NIPAL2: variants seen among roughly 807,000 people sequenced by gnomAD.
NIPAL2 encodes the protein NIPA-like protein 2.
In NIPAL2, 43 loss-of-function variants were observed where a neutral mutation model predicts 48.9. The observed-to-expected ratio is 0.88, with a 90% CI of 0.69 to 1.13. The LOEUF (loss-of-function observed/expected upper bound fraction) is 1.13. Ranked by LOEUF, NIPAL2 falls within the 50% of genes most tolerant of loss-of-function variation. The pLI, the probability that NIPAL2 is intolerant of heterozygous loss-of-function variation, is 0.00. For missense variants in NIPAL2, 446 were observed against 461.4 expected, an observed-to-expected ratio of 0.97 and a Z score of 0.31; for synonymous variants, 167 against 174.6, an observed-to-expected ratio of 0.96 and a Z score of 0.34.
intron 5 of NIPAL2, among the ~76,000 whole-genome samples, chr8:98,213,334 A>G (rs1811415290): frequency 6.6e-6 from 1 of 152,172 alleles, no homozygotes; most frequent in Non-Finnish European, 1.5e-5. Flanking sequence ...TGGACTTTAT[A>G]CAAGTGGAAT....
chr8:98,234,934 TA>T, intron 4 of NIPAL2, among the ~76,000 whole-genome samples: 1 of 152,190 alleles, frequency 6.6e-6, no homozygotes, highest in Non-Finnish European at 1.5e-5. Context: ...TATAGAAAAA[TA>T]ATATGTTGGA....
intron 1 of NIPAL2, among the ~76,000 whole-genome samples, chr8:98,272,519 A>T (rs988926753): frequency 1.8e-4 from 27 of 152,302 alleles, no homozygotes; most frequent in African/African-American, 6.5e-4. Context: ...TTAAAATATT[A>T]TTACTGGTTA....
At chr8:98,266,862 C>T (rs1814792364) in intron 1 of NIPAL2, among the ~76,000 whole-genome samples, 2 of 151,936 alleles carry the variant, frequency 1.3e-5, no homozygotes. Context: ...TATGATGCAA[C>T]ATGCTAGTAA....
intron 2 of NIPAL2, 76 bp from the exon 3 acceptor site, chr8:98,252,710 C>T: frequency 1.1e-5 from 14 of 1,229,072 alleles, no homozygotes; most frequent in South Asian, 3.1e-5. Context: ...CTTTTGTATT[C>T]CTTTAATTCT....
chr8:98,200,509 C>T (rs1041328625), intron 8 of NIPAL2, among the ~76,000 whole-genome samples: 1 of 152,134 alleles, frequency 6.6e-6, no homozygotes. Context: ...ATATATACCA[C>T]ATTTTGTTTA....
Position 98,252,476 on chromosome 8 carries a change from A to G in NIPAL2, c.363T>C (p.Cys121=). The part of the protein sequence containing the change: ...APITLIAPLG[C]VSVTGSAIIS... ...AGAATGGCTTACCTGTAACAGACAC[A>G]CAGCCTAACGGAGCGATCAGAGTAA... Residue 121 remains cysteine, a synonymous_variant, in exon 3 of 11, where the codon TGT becomes TGC. Transcript: ENST00000430223. 1 of 1,608,142 alleles carries G rather than the reference A, an allele frequency of 6.2e-7. No homozygotes were observed. Among genetic ancestry groups the G allele is most frequent in the Non-Finnish European group, 8.5e-7 (1 of 1,177,404 alleles).
intron 4 of NIPAL2, 64 bp downstream of exon 4, chr8:98,236,091 G>T: frequency 1.7e-6 from 2 of 1,146,798 alleles, no homozygotes; most frequent in South Asian, 2.7e-5. Flanking sequence ...TATTTTTTAT[G>T]GATTGTATTA....
At chr8:98,286,458 C>A (rs978154155) in intron 1 of NIPAL2, among the ~76,000 whole-genome samples, 2 of 152,086 alleles carry the variant, frequency 1.3e-5, no homozygotes, top group African/African-American at 4.8e-5. Flanking sequence ...TATATGTTAG[C>A]CCATATTTAC....
chr8:98,220,228 T>C (rs1319046440), intron 5 of NIPAL2, among the ~76,000 whole-genome samples: 1 of 152,190 alleles, frequency 6.6e-6, no homozygotes, highest in East Asian at 1.9e-4. Context: ...GCTTCGGTCC[T>C]GTACTTAGAG....
rs1315308134 is a variant in NIPAL2 at position 98,192,788 on chromosome 8, C to T, written c.*190G>A. 1.8e-5 allele frequency: 11 copies of T among 598,002 alleles called. No homozygotes were observed. Among genetic ancestry groups the T allele is most frequent in the Non-Finnish European group, 3.0e-5 (10 of 336,450 alleles). The allele number at this position is 598,002 out of a possible 1,614,324, so 37.0% of individuals were successfully genotyped here. On this transcript the variant is annotated 3_prime_UTR_variant, in exon 11 of 11. Coordinates refer to ENST00000430223, the MANE Select transcript of NIPAL2 (RefSeq NM_001321635.2). ...TGTGGGGAACACTCCAAATCACATT[C>T]CATGGAAATATTAGACTGTCAGAGC... is the stretch of plus-strand genomic sequence containing the variant.
intron 1 of NIPAL2, among the ~76,000 whole-genome samples, chr8:98,273,890 T>C (rs1014981715): frequency 4.6e-5 from 7 of 152,042 alleles, no homozygotes; most frequent in Non-Finnish European, 1.0e-4. Context: ...ACATAGTCAT[T>C]GTCATTTAGT....
intron 1 of NIPAL2, among the ~76,000 whole-genome samples, chr8:98,264,610 C>A (rs1462137596): frequency 1.3e-4 from 19 of 150,104 alleles, no homozygotes; most frequent in Admixed American, 7.3e-4. Flanking sequence ...ACTACAAACC[C>A]CTGCTCAAGG....
intron 3 of NIPAL2, among the ~76,000 whole-genome samples, chr8:98,250,196 A>G (rs897589192): frequency 6.6e-6 from 1 of 152,230 alleles, no homozygotes; most frequent in Admixed American, 6.5e-5. Flanking sequence ...GCAACACTGC[A>G]ATAGGTTTTA....
intron 3 of NIPAL2, among the ~76,000 whole-genome samples, chr8:98,249,145 G>A (rs1158265765): frequency 1.3e-5 from 2 of 152,106 alleles, no homozygotes; most frequent in African/African-American, 4.8e-5. Context: ...TTCATAGTGT[G>A]CATAGGCCTG....
At chr8:98,198,651 C>T (rs1169893334) in intron 8 of NIPAL2, among the ~76,000 whole-genome samples, 1 of 152,244 alleles carries the variant, frequency 6.6e-6, no homozygotes, top group African/African-American at 2.4e-5. Context: ...CTTGCTGCTT[C>T]ATCTTGTATT....
chr8:98,264,649 G>T (rs1814592076), intron 1 of NIPAL2, among the ~76,000 whole-genome samples: 1 of 150,016 alleles, frequency 6.7e-6, no homozygotes, highest in African/African-American at 2.4e-5. Flanking sequence ...ACAAATGGAA[G>T]AACATTCCAT....
intron 5 of NIPAL2, among the ~76,000 whole-genome samples, chr8:98,219,104 C>T (rs1259963320): frequency 6.6e-6 from 1 of 151,858 alleles, no homozygotes; most frequent in African/African-American, 2.4e-5. Context: ...TTTAGGTTTC[C>T]AGTATGGGAG....
intron 4 of NIPAL2, among the ~76,000 whole-genome samples, chr8:98,223,468 A>T (rs538886214): frequency 1.2e-4 from 18 of 152,324 alleles, no homozygotes; most frequent in South Asian, 8.3e-4. Flanking sequence ...TATAAGTAGC[A>T]TATTTTAGAT....
At chr8:98,260,206 A>G (rs554671004) in intron 1 of NIPAL2, among the ~76,000 whole-genome samples, 2 of 152,320 alleles carry the variant, frequency 1.3e-5, no homozygotes, top group South Asian at 4.1e-4. Flanking sequence ...GGTATTCACT[A>G]TAAGTGACCC....
Sources: allele counts gnomAD v4.1 joint callset (sites outside exome capture counted in the v4.1 genomes callset), GRCh38; gene constraint gnomAD v4.1.1; transcripts MANE v1.5; gene names NCBI Gene and HGNC (gene_info 2026-07-23, HGNC 2026-07-21).